Variants in IGBP1C observed in about 807,000 individuals in gnomAD.
IGBP1C encodes the protein IGBP1 family member C.
chr17:58,679,439 G>GTCA, the IGBP1C span: 6 of 152,038 alleles, frequency 3.9e-5, no homozygotes, highest in Non-Finnish European at 8.8e-5. Context: ...TCAATCTCTC[G>GTCA]CTATTCCAAA....
the IGBP1C span, among the ~76,000 whole-genome samples, chr17:58,678,423 C>T: frequency 6.6e-6 from 1 of 152,118 alleles, no homozygotes; most frequent in Non-Finnish European, 1.5e-5. Context: ...TTGGAACCAA[C>T]CCAAATGTCC....
chr17:58,668,485 C>T, the IGBP1C span, among the ~76,000 whole-genome samples: 1 of 152,202 alleles, frequency 6.6e-6, no homozygotes, highest in South Asian at 2.1e-4. Context: ...TCATCTTAGC[C>T]AATGCCCACT....
the IGBP1C span, among the ~76,000 whole-genome samples, chr17:58,670,146 G>A: frequency 3.3e-5 from 5 of 152,168 alleles, no homozygotes; most frequent in Admixed American, 2.0e-4. Flanking sequence ...TGTTATCATA[G>A]TAAGAGTCCT....
the IGBP1C span, among the ~76,000 whole-genome samples, chr17:58,686,861 CTTTTTTTTTTTTTTTTT>C: frequency 1.3e-4 from 9 of 71,538 alleles, no homozygotes; most frequent in South Asian, 6.0e-4. Context: ...GAAAGGTCAC[CTTTTTTTTTTTTTTTTT>C]TTTTTTTTTT....
At chr17:58,673,495 A>ATAAC in the IGBP1C span, among the ~76,000 whole-genome samples, 1 of 151,008 alleles carries the variant, frequency 6.6e-6, no homozygotes, top group African/African-American at 2.4e-5. Flanking sequence ...AAATAAATAA[A>ATAAC]TAAATAAATA....
chr17:58,666,487 A>AAAAAAAC, the IGBP1C span: 1 of 96,276 alleles, frequency 1.0e-5, no homozygotes, highest in African/African-American at 3.6e-5. Flanking sequence ...AAAAAAAAAA[A>AAAAAAAC]GCAAAAGCTA....
the IGBP1C span, among the ~76,000 whole-genome samples, chr17:58,689,130 C>G: frequency 3.3e-5 from 5 of 152,094 alleles, no homozygotes; most frequent in Admixed American, 1.3e-4. Flanking sequence ...TGGGGTTTCA[C>G]CGTGTTAGCC....
the IGBP1C span, among the ~76,000 whole-genome samples, chr17:58,673,541 T>C: frequency 2.6e-5 from 4 of 151,456 alleles, no homozygotes; most frequent in Non-Finnish European, 4.4e-5. Flanking sequence ...TAACTTATTT[T>C]TCTCTCTCCT....
At chr17:58,669,713 AAC>A in the IGBP1C span, among the ~76,000 whole-genome samples, 2 of 147,250 alleles carry the variant, frequency 1.4e-5, no homozygotes, top group Non-Finnish European at 3.0e-5. Flanking sequence ...TAGACTGGGC[AAC>A]AGAGAGAGAC....
the IGBP1C span, among the ~76,000 whole-genome samples, chr17:58,674,839 G>GAAAAAAAA: frequency 8.1e-6 from 1 of 123,426 alleles, no homozygotes. Context: ...GAGGCCTTTG[G>GAAAAAAAA]AAAAAAAAAA....
At chr17:58,683,370 C>T in the IGBP1C span, among the ~76,000 whole-genome samples, 3 of 142,142 alleles carry the variant, frequency 2.1e-5, no homozygotes, top group African/African-American at 5.2e-5. Context: ...AAGACTCCAT[C>T]CCCCCCCCCA....
chr17:58,686,264 C>G, the IGBP1C span, among the ~76,000 whole-genome samples: 1 of 151,990 alleles, frequency 6.6e-6, no homozygotes, highest in Non-Finnish European at 1.5e-5. Context: ...CTTTCTTGAG[C>G]CCAGGAGTTC....
the IGBP1C span, among the ~76,000 whole-genome samples, chr17:58,662,762 C>G: frequency 6.6e-6 from 1 of 152,128 alleles, no homozygotes; most frequent in Non-Finnish European, 1.5e-5. Context: ...GACATATATA[C>G]TCAATAATTT....
the IGBP1C span, chr17:58,675,551 T>C: frequency 6.6e-6 from 1 of 152,234 alleles, no homozygotes; most frequent in Non-Finnish European, 1.5e-5. Context: ...AGACAATCTC[T>C]GGCTCTTTCT....
chr17:58,684,068 TA>T, the IGBP1C span, among the ~76,000 whole-genome samples: 1 of 151,380 alleles, frequency 6.6e-6, no homozygotes, highest in Non-Finnish European at 1.5e-5. Context: ...CCTACATATA[TA>T]AAAGTATACG....
chr17:58,670,779 A>C, the IGBP1C span, among the ~76,000 whole-genome samples: 6 of 149,598 alleles, frequency 4.0e-5, 1 homozygote, highest in African/African-American at 9.8e-5. Context: ...TCTTAAAAAA[A>C]AAAAAAAAAA....
the IGBP1C span, among the ~76,000 whole-genome samples, chr17:58,677,003 C>T: frequency 6.6e-6 from 1 of 151,378 alleles, no homozygotes; most frequent in African/African-American, 2.4e-5. Flanking sequence ...CCTGTAATCC[C>T]AGCTACTCAG....
the IGBP1C span, among the ~76,000 whole-genome samples, chr17:58,678,689 G>A: frequency 6.6e-6 from 1 of 152,084 alleles, no homozygotes; most frequent in East Asian, 1.9e-4. Flanking sequence ...TGGGGGAAAC[G>A]GGGAGGGATA....
At chr17:58,666,627 T>C in the IGBP1C span, 2 of 152,160 alleles carry the variant, frequency 1.3e-5, no homozygotes, top group Non-Finnish European at 2.9e-5. Flanking sequence ...CAGCACAAAG[T>C]GCAACGAATA....
Sources: gnomAD v4.1 joint callset for allele counts (sites outside exome capture counted in the v4.1 genomes callset) on GRCh38, gnomAD v4.1.1 for gene constraint, MANE v1.5 for transcripts, NCBI Gene and HGNC (gene_info 2026-07-23, HGNC 2026-07-21) for gene names.